The following PTPRM variants were observed in gnomAD, a reference collection of about 807,000 sequenced individuals.
PTPRM encodes the protein receptor-type tyrosine-protein phosphatase mu.
PTPRM carries 47 observed loss-of-function variants against 186.7 expected under a neutral mutation model. The ratio of observed to expected loss-of-function variants is 0.25; its 90% CI spans 0.20 to 0.32. PTPRM has a LOEUF of 0.32. PTPRM is among the 10% of genes least tolerant of loss of function. The pLI is 1.00. For synonymous variants in PTPRM, 668 were observed against 674.9 expected (o/e 0.99, Z 0.16); for missense variants, 1,494 against 1,865.0 (o/e 0.80, Z 3.66).
chr18:7,636,190 C>T (rs751449193), intron 1 of PTPRM, among the ~76,000 whole-genome samples: 5 of 150,452 alleles, frequency 3.3e-5, no homozygotes, highest in Non-Finnish European at 7.4e-5. Flanking sequence ...GTGTACCTAC[C>T]TGTTAACCAC....
intron 7 of PTPRM, among the ~76,000 whole-genome samples, chr18:7,960,736 C>CA (rs765692039): frequency 3.3e-5 from 5 of 151,792 alleles, no homozygotes; most frequent in Non-Finnish European, 5.9e-5. Context: ...CCATCATCGA[C>CA]AGAGTAAAAC....
chr18:8,013,975 C>A (rs1433096347), intron 7 of PTPRM, among the ~76,000 whole-genome samples: 1 of 152,046 alleles, frequency 6.6e-6, no homozygotes, highest in Non-Finnish European at 1.5e-5. Flanking sequence ...AACATATCAT[C>A]CCGAAACTCA....
chr18:7,810,792 C>T (rs2044471072), intron 2 of PTPRM, among the ~76,000 whole-genome samples: 1 of 152,148 alleles, frequency 6.6e-6, no homozygotes, highest in Non-Finnish European at 1.5e-5. Context: ...TCAGCTTCAA[C>T]TAGAGGGTTA....
intron 1 of PTPRM, among the ~76,000 whole-genome samples, chr18:7,652,468 G>A (rs1201398167): frequency 6.6e-6 from 1 of 152,012 alleles, no homozygotes; most frequent in Non-Finnish European, 1.5e-5. Context: ...GTTTATTGCG[G>A]CACTATTCAC....
At chr18:8,058,172 A>T (rs1359387787) in intron 7 of PTPRM, among the ~76,000 whole-genome samples, 3 of 121,424 alleles carry the variant, frequency 2.5e-5, no homozygotes, top group Admixed American at 8.4e-5. Context: ...GGTATCTCAT[A>T]GTGGTTTTGA....
chr18:8,162,880 C>A (rs141100069), intron 14 of PTPRM, among the ~76,000 whole-genome samples: 7 of 152,186 alleles, frequency 4.6e-5, no homozygotes, highest in Non-Finnish European at 7.3e-5. Context: ...CACAGCCTGG[C>A]GAGCTGATGT....
intron 11 of PTPRM, among the ~76,000 whole-genome samples, chr18:8,099,757 A>G (rs555251970): frequency 6.6e-6 from 1 of 152,346 alleles, no homozygotes; most frequent in Non-Finnish European, 1.5e-5. Context: ...AATTCATACA[A>G]GTTAATAGTT....
chr18:7,608,055 C>T (rs902569166), intron 1 of PTPRM, among the ~76,000 whole-genome samples: 6 of 152,140 alleles, frequency 3.9e-5, no homozygotes, highest in Non-Finnish European at 5.9e-5. Flanking sequence ...GCCTTTCACT[C>T]CCCGGTCAGA....
At chr18:8,121,299 T>A (rs542805127) in intron 13 of PTPRM, among the ~76,000 whole-genome samples, 2 of 152,230 alleles carry the variant, frequency 1.3e-5, no homozygotes, top group Non-Finnish European at 2.9e-5. Context: ...TCTATTTTCC[T>A]TACTCGCTGC....
chr18:8,182,670 C>T (rs7233007), intron 14 of PTPRM, among the ~76,000 whole-genome samples: 93,875 of 152,054 alleles, frequency 0.62, 29,565 homozygotes, highest in Middle Eastern at 0.79. Flanking sequence ...ACCACTATTG[C>T]ACTCTACTCA....
At chr18:8,207,434 G>C (rs1384158002) in intron 14 of PTPRM, among the ~76,000 whole-genome samples, 1 of 152,070 alleles carries the variant, frequency 6.6e-6, no homozygotes, top group Non-Finnish European at 1.5e-5. Flanking sequence ...TGAAATATTT[G>C]GGCACTACCT....
At chr18:7,690,723 T>C (rs1201296799) in intron 1 of PTPRM, among the ~76,000 whole-genome samples, 3 of 152,216 alleles carry the variant, frequency 2.0e-5, no homozygotes, top group Non-Finnish European at 2.9e-5. Context: ...TATAGTTCAG[T>C]ACTTTAAAAT....
intron 9 of PTPRM, among the ~76,000 whole-genome samples, chr18:8,084,800 G>A (rs1270893935): frequency 6.6e-6 from 1 of 152,144 alleles, no homozygotes. Context: ...TTGAATAGTT[G>A]ATGAACTACT....
chr18:8,251,293 A>G (rs1322291019), intron 17 of PTPRM, among the ~76,000 whole-genome samples: 4 of 152,242 alleles, frequency 2.6e-5, no homozygotes, highest in African/African-American at 7.2e-5. Flanking sequence ...TGTTCATCCC[A>G]TAAGATACAA....
chr18:8,240,644 AGAGAGAG>A (rs2094413738), intron 14 of PTPRM, among the ~76,000 whole-genome samples: 1 of 33,266 alleles, frequency 3.0e-5, no homozygotes, highest in Non-Finnish European at 6.5e-5. Flanking sequence ...AGAGAGAGAG[AGAGAGAG>A]AGAAAGAAAG....
intron 22 of PTPRM, among the ~76,000 whole-genome samples, chr18:8,322,861 C>T (rs553690392): frequency 1.5e-4 from 23 of 152,252 alleles, no homozygotes; most frequent in Non-Finnish European, 2.9e-4. Flanking sequence ...ACTCTGTCAC[C>T]TAGACTGGAG....
chr18:7,624,685 C>T (rs963976187), intron 1 of PTPRM, among the ~76,000 whole-genome samples: 1 of 152,152 alleles, frequency 6.6e-6, no homozygotes, highest in African/African-American at 2.4e-5. Flanking sequence ...CTACGTTGCT[C>T]AGGCTGATCT....
chr18:8,182,404 G>A (rs2146597808), intron 14 of PTPRM, among the ~76,000 whole-genome samples: 1 of 152,206 alleles, frequency 6.6e-6, no homozygotes, highest in Non-Finnish European at 1.5e-5. Context: ...CATGTATTTT[G>A]AAATAATGGA....
intron 19 of PTPRM, chr18:8,270,281 T>G (rs1337853789): frequency 6.6e-6 from 1 of 151,824 alleles, no homozygotes; most frequent in Non-Finnish European, 1.5e-5. Flanking sequence ...CCTGATACAT[T>G]TTTCCAAGGA....
Sources: gnomAD v4.1 joint callset for allele counts (sites outside exome capture counted in the v4.1 genomes callset) on GRCh38, gnomAD v4.1.1 for gene constraint, MANE v1.5 for transcripts, NCBI Gene and HGNC (gene_info 2026-07-23, HGNC 2026-07-21) for gene names.